The following BLTP1 variants were observed in gnomAD, a reference collection of about 807,000 sequenced individuals.
BLTP1 encodes bridge-like lipid transfer protein family member 1, also known as fragile site-associated protein.
chr4:122,156,101 G>C, the BLTP1 span: 27 of 319,880 alleles, frequency 8.4e-5, no homozygotes, highest in Non-Finnish European at 1.2e-4. Flanking sequence ...GTAGATTGGG[G>C]AACATGATTG....
the BLTP1 span, among the ~76,000 whole-genome samples, chr4:122,274,047 T>C: frequency 6.6e-6 from 1 of 152,054 alleles, no homozygotes; most frequent in African/African-American, 2.4e-5. Context: ...TTCTGAGATG[T>C]AAAATGCCAT....
chr4:122,174,742 C>A, the BLTP1 span: 1 of 997,342 alleles, frequency 1.0e-6, no homozygotes, highest in South Asian at 1.8e-5. Flanking sequence ...TTGAATGTGA[C>A]TTGCTTCTTC....
chr4:122,254,722 C>G, the BLTP1 span: 1 of 1,294,018 alleles, frequency 7.7e-7, no homozygotes, highest in South Asian at 2.8e-5. Context: ...GTAAAACAAC[C>G]ACTAAGTACA....
chr4:122,287,815 G>A, the BLTP1 span: 1 of 545,322 alleles, frequency 1.8e-6, no homozygotes, highest in Non-Finnish European at 2.3e-6. Flanking sequence ...ACAAGTCAAA[G>A]ATTTAACTGA....
At chr4:122,174,698 T>A in the BLTP1 span, 8 of 1,305,394 alleles carry the variant, frequency 6.1e-6, no homozygotes, top group African/African-American at 1.5e-5. Flanking sequence ...AAACATACTT[T>A]AAAAATATTG....
At chr4:122,245,319 T>C in the BLTP1 span, among the ~76,000 whole-genome samples, 1 of 152,202 alleles carries the variant, frequency 6.6e-6, no homozygotes, top group African/African-American at 2.4e-5. Context: ...ATAGATGGAA[T>C]AGTAGTAAAA....
At chr4:122,173,233 A>G in the BLTP1 span, 1 of 1,416,468 alleles carries the variant, frequency 7.1e-7, no homozygotes, top group African/African-American at 1.4e-5. Flanking sequence ...GCTATAACTG[A>G]ATGCCTGAGA....
chr4:122,298,946 T>C, the BLTP1 span: 1 of 985,076 alleles, frequency 1.0e-6, no homozygotes, highest in East Asian at 1.1e-4. Context: ...GTGAGGAGTG[T>C]GTTGGAGAAA....
chr4:122,185,216 T>A, the BLTP1 span: 1 of 981,872 alleles, frequency 1.0e-6, no homozygotes, highest in East Asian at 1.1e-4. Context: ...TTTTGTAAAC[T>A]CCATAGTTTT....
the BLTP1 span, chr4:122,237,421 A>G: frequency 1.1e-6 from 1 of 911,996 alleles, no homozygotes; most frequent in South Asian, 5.1e-5. Context: ...TCTGTGTATG[A>G]GGCATTATTC....
the BLTP1 span, chr4:122,344,614 A>G: frequency 3.0e-6 from 4 of 1,339,600 alleles, no homozygotes; most frequent in Non-Finnish European, 4.3e-6. Context: ...AAATTAAATA[A>G]TGGCCTCTGT....
At chr4:122,220,469 A>G in the BLTP1 span, 1 of 1,607,112 alleles carries the variant, frequency 6.2e-7, no homozygotes, top group Non-Finnish European at 8.5e-7. Flanking sequence ...GATAACTATC[A>G]GGTAAGGTGA....
chr4:122,248,396 G>C, the BLTP1 span, among the ~76,000 whole-genome samples: 1 of 151,946 alleles, frequency 6.6e-6, no homozygotes, highest in Admixed American at 6.6e-5. Context: ...TTCCAAGGTG[G>C]ACATTTCTGT....
At chr4:122,346,392 T>G in the BLTP1 span, 1 of 889,280 alleles carries the variant, frequency 1.1e-6, no homozygotes, top group African/African-American at 1.8e-5. Context: ...TCTCTGAGGA[T>G]TTCATGATAA....
chr4:122,209,801 T>G, the BLTP1 span: 1 of 1,611,964 alleles, frequency 6.2e-7, no homozygotes. Flanking sequence ...AGAAACTGTC[T>G]GTTTTACTCT....
At chr4:122,258,942 C>A in the BLTP1 span, 1 of 640,460 alleles carries the variant, frequency 1.6e-6, no homozygotes, top group South Asian at 2.3e-5. Flanking sequence ...CCTAAATATT[C>A]AGATAGCATT....
At chr4:122,240,344 A>C in the BLTP1 span, 1 of 1,613,236 alleles carries the variant, frequency 6.2e-7, no homozygotes, top group African/African-American at 1.3e-5. Context: ...TTTCTGTTCC[A>C]ACTTTTAAGG....
chr4:122,189,925 A>G, the BLTP1 span: 2 of 1,524,670 alleles, frequency 1.3e-6, no homozygotes, highest in Non-Finnish European at 1.8e-6. Flanking sequence ...ACCTATTGCC[A>G]GCATTAACTA....
chr4:122,215,279 T>C, the BLTP1 span: 9 of 819,592 alleles, frequency 1.1e-5, no homozygotes, highest in Non-Finnish European at 1.3e-5. Context: ...CAAGGGTATC[T>C]TTTTTCTTTT....
Sources: allele counts gnomAD v4.1 joint callset (sites outside exome capture counted in the v4.1 genomes callset), GRCh38; gene constraint gnomAD v4.1.1; transcripts MANE v1.5; gene names NCBI Gene and HGNC (gene_info 2026-07-23, HGNC 2026-07-21).